The following DNAH10 variants were observed in gnomAD, a reference collection of about 807,000 sequenced individuals.
DNAH10 encodes the protein axonemal beta dynein heavy chain 10.
A neutral mutation model predicts 506.6 loss-of-function variants in DNAH10; 348 were observed. That is an observed-to-expected ratio of 0.69 (90% CI 0.63 to 0.75). The LOEUF is 0.75. DNAH10 is among the 30% of genes least tolerant of loss of function. The probability of loss-of-function intolerance (pLI) is 0.00; values close to 1 mark genes in which losing one functional copy is unlikely to be tolerated. For missense variants in DNAH10, 5,179 were observed against 5,787.1 expected (o/e 0.89, Z 3.41); for synonymous variants, 2,059 against 2,198.6 (o/e 0.94, Z 1.78).
At chr12:123,934,536 G>A in intron 77 of DNAH10, 85 bp from the exon 78 acceptor site, 11 of 1,542,248 alleles carry the variant, frequency 7.1e-6, no homozygotes, top group Non-Finnish European at 8.8e-6. Context: ...TGGCCTGTGT[G>A]TCGCTGTGTG....
At chr12:123,822,611 A>G (rs1166556032) in intron 24 of DNAH10, among the ~76,000 whole-genome samples, 1 of 152,166 alleles carries the variant, frequency 6.6e-6, no homozygotes, top group Non-Finnish European at 1.5e-5. Flanking sequence ...TATCTAATGT[A>G]TATCTATATA....
At chr12:123,908,652 G>A (rs1953921518) in intron 57 of DNAH10, 1 of 436,838 alleles carries the variant, frequency 2.3e-6, no homozygotes, top group Non-Finnish European at 4.6e-6. Flanking sequence ...AGGAACAAGG[G>A]CAGTGGACAT....
In DNAH10 at chr12:123,762,422, T is replaced by C; in HGVS notation, c.86T>C (p.Leu29Pro). ...GACCCCCAGCTTTTCGAGGACCTGC[T>C]CAACCGCGACGACGGCCAGGGCGAG... is the stretch of plus-strand genomic sequence containing the variant. ...ITDPQLFEDL[L>P]NRDDGQGEDL... is the part of the protein sequence containing the mutation. The change falls in exon 1 of 79, where the codon CTC becomes CCC. Residue 29 changes from leucine (L) to proline (P), a missense_variant. Physicochemically the swap from Leu to Pro is moderately conservative, Grantham distance 98. Coordinates refer to ENST00000673944, the MANE Select transcript of DNAH10 (RefSeq NM_001372106.1). The surrounding 1 kb of genome is among the most constrained non-coding windows in gnomAD (Gnocchi z 5.0). 1 of 1,428,366 alleles carries C rather than the reference T, an allele frequency of 7.0e-7. No homozygotes were observed. Among genetic ancestry groups the C allele is most frequent in the Non-Finnish European group, 9.2e-7 (1 of 1,084,812 alleles). 88.5% of individuals were successfully genotyped at this position (1,428,366 alleles called of 1,614,324 possible). A position where few individuals can be genotyped will look rare whatever the true frequency, so the allele number is the denominator to read the frequency against.
chr12:123,806,815 T>C (rs1234584646), intron 18 of DNAH10, among the ~76,000 whole-genome samples: 2 of 151,472 alleles, frequency 1.3e-5, no homozygotes, highest in Non-Finnish European at 2.9e-5. Flanking sequence ...TTGCCCAGGC[T>C]GGAGTGCAGT....
At chr12:123,851,168 G>A (rs1951148335) in intron 35 of DNAH10, 92 bp downstream of exon 35, 1 of 1,363,984 alleles carries the variant, frequency 7.3e-7, no homozygotes, top group Non-Finnish European at 9.7e-7. Context: ...AGCTCCGTGT[G>A]GCTCTTCCAG....
At chr12:123,883,557 C>A (rs1476905461) in intron 51 of DNAH10, among the ~76,000 whole-genome samples, 2 of 152,196 alleles carry the variant, frequency 1.3e-5, no homozygotes, top group Non-Finnish European at 2.9e-5. Flanking sequence ...ATCCAAAATG[C>A]CTCTGTTTTT....
At chr12:123,872,288 C>G (rs1289256030) in intron 45 of DNAH10, among the ~76,000 whole-genome samples, 2 of 152,150 alleles carry the variant, frequency 1.3e-5, no homozygotes, top group Admixed American at 6.5e-5. Context: ...CTGTCAAGAT[C>G]TGTTCTGTAG....
intron 10 of DNAH10, among the ~76,000 whole-genome samples, chr12:123,788,924 C>CA (rs1200548876): frequency 0.04 from 2,652 of 66,370 alleles, 37 homozygotes; most frequent in South Asian, 0.079. Context: ...GACCTTGCTT[C>CA]AAAAAAAAAA....
intron 19 of DNAH10, among the ~76,000 whole-genome samples, chr12:123,812,841 G>T (rs1282922616): frequency 6.6e-6 from 1 of 152,086 alleles, no homozygotes; most frequent in African/African-American, 2.4e-5. Context: ...AGACCAGCTC[G>T]AGCTGGTGGT....
chr12:123,826,839 G>A lies in DNAH10; in HGVS notation c.4332G>A (p.Lys1444=), dbSNP rs1960047640. 6.2e-7 allele frequency: 1 copy of A among 1,613,966 alleles called. No homozygotes were observed. Among genetic ancestry groups the A allele is most frequent in the Non-Finnish European group, 8.5e-7 (1 of 1,179,884 alleles). ...SVTYYLEAKM[K]AFKDSIPLLL... is the part of the protein sequence containing the mutation. ...CCTACTACTTGGAAGCAAAAATGAA[G>A]GCATTCAAAGACTCGATTCCTTTAC... Residue 1444 remains lysine, a synonymous_variant, in exon 25 of 79, where the codon AAG becomes AAA. Coordinates refer to ENST00000673944, the MANE Select transcript of DNAH10 (RefSeq NM_001372106.1).
At chr12:123,782,859 T>C (rs975695035) in intron 6 of DNAH10, among the ~76,000 whole-genome samples, 4 of 152,214 alleles carry the variant, frequency 2.6e-5, no homozygotes, top group Admixed American at 2.6e-4. Context: ...CACTAGGTTA[T>C]AAACTCAGGA....
chr12:123,844,650 C>CT (rs1473097737), intron 30 of DNAH10, among the ~76,000 whole-genome samples: 9 of 152,308 alleles, frequency 5.9e-5, no homozygotes, highest in South Asian at 4.1e-4. Flanking sequence ...TTTTAATTTT[C>CT]TTTCTTGAGA....
intron 29 of DNAH10, among the ~76,000 whole-genome samples, chr12:123,839,088 GGT>G (rs1488387558): frequency 6.6e-6 from 1 of 152,124 alleles, no homozygotes; most frequent in Non-Finnish European, 1.5e-5. Flanking sequence ...TGGGATTACA[GGT>G]GTGAGCCACC....
intron 51 of DNAH10, among the ~76,000 whole-genome samples, chr12:123,882,897 TC>T (rs1377625289): frequency 6.6e-6 from 1 of 150,742 alleles, no homozygotes; most frequent in East Asian, 2.0e-4. Flanking sequence ...CCTCCCCTCA[TC>T]AAGCCCTGAG....
At chr12:123,765,559 A>G (rs879899581) in intron 1 of DNAH10, among the ~76,000 whole-genome samples, 7 of 72,260 alleles carry the variant, frequency 9.7e-5, no homozygotes, top group Admixed American at 7.9e-4. Context: ...GCATCTATCT[A>G]TACTTTATCT....
intron 52 of DNAH10, among the ~76,000 whole-genome samples, chr12:123,889,969 T>C (rs916759416): frequency 1.3e-5 from 2 of 152,174 alleles, no homozygotes; most frequent in Non-Finnish European, 2.9e-5. Flanking sequence ...GCTTCTCTCT[T>C]GTGGGGACCC....
intron 43 of DNAH10, among the ~76,000 whole-genome samples, chr12:123,869,977 TG>T (rs1231829224): frequency 6.6e-6 from 1 of 152,210 alleles, no homozygotes; most frequent in Non-Finnish European, 1.5e-5. Context: ...ACTTCTTGCC[TG>T]TATCTGTCCC....
intron 44 of DNAH10, 36 bp downstream of exon 44, chr12:123,870,521 G>T: frequency 6.2e-7 from 1 of 1,604,130 alleles, no homozygotes; most frequent in Non-Finnish European, 8.5e-7. Context: ...CTGGGTTTAG[G>T]AGTGTGTGAT....
intron 77 of DNAH10, 80 bp from the exon 78 acceptor site, chr12:123,934,541 T>C (rs574339384): frequency 4.5e-6 from 7 of 1,561,262 alleles, no homozygotes; most frequent in African/African-American, 4.1e-5. Context: ...TGTGTGTCGC[T>C]GTGTGTGCGC....
Sources: gnomAD v4.1 joint callset for allele counts (sites outside exome capture counted in the v4.1 genomes callset) on GRCh38, gnomAD v4.1.1 for gene constraint, Gnocchi (gnomAD v3.1) non-coding constraint, MANE v1.5 for transcripts, NCBI Gene and HGNC (gene_info 2026-07-23, HGNC 2026-07-21) for gene names.